PRKN: variants seen among roughly 807,000 people sequenced by gnomAD.
PRKN encodes E3 ubiquitin-protein ligase parkin.
A neutral mutation model predicts 59.5 loss-of-function variants in PRKN; 56 were observed. The ratio of observed to expected loss-of-function variants is 0.94; its 90% CI spans 0.76 to 1.18. The LOEUF is 1.18. Ranked by LOEUF, PRKN falls within the 50% of genes most tolerant of loss-of-function variation. The pLI, the probability that PRKN is intolerant of heterozygous loss-of-function variation, is 0.00. For missense variants in PRKN, 657 were observed against 596.4 expected, an observed-to-expected ratio of 1.10 and a Z score of -1.06; for synonymous variants, 250 against 222.1, an observed-to-expected ratio of 1.13 and a Z score of -1.12.
intron 6 of PRKN, among the ~76,000 whole-genome samples, chr6:161,872,034 C>T (rs1794361315): frequency 6.6e-6 from 1 of 152,136 alleles, no homozygotes; most frequent in Non-Finnish European, 1.5e-5. Flanking sequence ...CTTCACTGAG[C>T]AGCGACTTTT....
chr6:162,332,141 T>C (rs1225477298), intron 2 of PRKN, among the ~76,000 whole-genome samples: 1 of 152,158 alleles, frequency 6.6e-6, no homozygotes, highest in Admixed American at 6.5e-5. Flanking sequence ...GGCTAACATG[T>C]TGCATTACAA....
intron 9 of PRKN, among the ~76,000 whole-genome samples, chr6:161,522,128 C>T (rs906542453): frequency 6.6e-5 from 10 of 152,016 alleles, no homozygotes; most frequent in Admixed American, 2.0e-4. Context: ...TGGTTTTCAA[C>T]GTGATATTTA....
intron 9 of PRKN, among the ~76,000 whole-genome samples, chr6:161,404,242 A>C (rs747368395): frequency 6.6e-6 from 1 of 152,130 alleles, no homozygotes; most frequent in Non-Finnish European, 1.5e-5. Context: ...GAGAGCTGCT[A>C]TCTAAGTACT....
intron 1 of PRKN, among the ~76,000 whole-genome samples, chr6:162,524,352 A>T (rs1778198310): frequency 6.6e-6 from 1 of 152,164 alleles, no homozygotes; most frequent in African/African-American, 2.4e-5. Flanking sequence ...AATTCTTATC[A>T]TTTGGAGGAG....
At chr6:161,738,862 G>A (rs1174951853) in intron 7 of PRKN, among the ~76,000 whole-genome samples, 3 of 152,128 alleles carry the variant, frequency 2.0e-5, no homozygotes, top group African/African-American at 7.2e-5. Context: ...ATCCTGCTGA[G>A]GCCTACACAG....
intron 2 of PRKN, among the ~76,000 whole-genome samples, chr6:162,310,026 T>C (rs896637126): frequency 2.0e-5 from 3 of 152,178 alleles, no homozygotes. Flanking sequence ...TCCATGTCCC[T>C]GCAAAGGACA....
At chr6:162,306,266 GC>G (rs1423228559) in intron 2 of PRKN, among the ~76,000 whole-genome samples, 2 of 152,136 alleles carry the variant, frequency 1.3e-5, no homozygotes, top group Non-Finnish European at 2.9e-5. Flanking sequence ...ATTTGGTAAT[GC>G]TGGTTCACAA....
At chr6:162,630,856 G>C (rs1783085454) in intron 1 of PRKN, among the ~76,000 whole-genome samples, 2 of 152,112 alleles carry the variant, frequency 1.3e-5, no homozygotes, top group African/African-American at 4.8e-5. Context: ...TTTGCAACCA[G>C]AATTGCTAAC....
At chr6:162,061,817 G>C (rs779326493) in intron 4 of PRKN, among the ~76,000 whole-genome samples, 2 of 152,108 alleles carry the variant, frequency 1.3e-5, no homozygotes, top group Non-Finnish European at 2.9e-5. Context: ...GAGAATAATC[G>C]CTTTTCTTGT....
At chr6:162,303,964 T>C (rs1294259249) in intron 2 of PRKN, among the ~76,000 whole-genome samples, 1 of 151,912 alleles carries the variant, frequency 6.6e-6, no homozygotes, top group Non-Finnish European at 1.5e-5. Flanking sequence ...CTCCTGGAAA[T>C]ATGTTAAAGG....
chr6:162,166,009 C>G (rs1346476844), intron 4 of PRKN, among the ~76,000 whole-genome samples: 12 of 134,054 alleles, frequency 9.0e-5, no homozygotes, highest in Non-Finnish European at 1.5e-4. Flanking sequence ...GGTCATGCCA[C>G]TGCACTCCAG....
intron 6 of PRKN, among the ~76,000 whole-genome samples, chr6:161,837,445 A>C (rs1792804953): frequency 6.6e-6 from 1 of 152,170 alleles, no homozygotes; most frequent in Admixed American, 6.5e-5. Context: ...TTACAATTTA[A>C]ATCAAACTTT....
intron 5 of PRKN, among the ~76,000 whole-genome samples, chr6:161,980,371 A>T (rs1781213763): frequency 6.6e-6 from 1 of 152,190 alleles, no homozygotes; most frequent in Admixed American, 6.5e-5. Flanking sequence ...AAGGTTGCAA[A>T]GGGTATAGGG....
rs145039746 is a variant in PRKN, at chr6:162,146,793, A to G, written c.534+54338T>C. The stretch of plus-strand genomic sequence containing the variant: ...GTGCTGGGGTTACAGGTGTGCCACC[A>G]CACCTGGCCTACATTCTTTTTATTC... On this transcript the variant is annotated intron_variant, in intron 4 of 11. Coordinates refer to ENST00000366898, the MANE Select transcript of PRKN (RefSeq NM_004562.3). 2.4e-3 allele frequency among the ~76,000 whole-genome samples: 362 copies of G among 149,122 alleles called. 1 individual carries two copies. Among genetic ancestry groups the G allele is most frequent in the African/African-American group, 8.6e-3 (347 of 40,418 alleles).
chr6:162,681,291 T>G (rs912622795), intron 1 of PRKN, among the ~76,000 whole-genome samples: 1 of 152,146 alleles, frequency 6.6e-6, no homozygotes, highest in Non-Finnish European at 1.5e-5. Flanking sequence ...TATCATGAAA[T>G]CAAATATGAC....
Position 162,318,719 on chromosome 6 carries a change from C to T in PRKN, c.172-55954G>A, listed in dbSNP as rs139813627. ...GTGATGTTGAGTGTCTTTTACTGAGCTTATTGGCGTGATTATGAAGATTTG... is the reference window on the plus strand; with the variant it reads ...GTGATGTTGAGTGTCTTTTACTGAGTTTATTGGCGTGATTATGAAGATTTG... On this transcript the variant is annotated intron_variant, in intron 2 of 11. Coordinates refer to ENST00000366898, the MANE Select transcript of PRKN (RefSeq NM_004562.3). Among the ~76,000 whole-genome samples, 201 of 152,016 alleles carry T rather than the reference C, an allele frequency of 1.3e-3. 2 individuals are homozygous for T. Among genetic ancestry groups the T allele is most frequent in the African/African-American group, 4.6e-3 (189 of 41,494 alleles).
chr6:162,247,281 T>G (rs1403583655), intron 3 of PRKN, among the ~76,000 whole-genome samples: 1 of 152,124 alleles, frequency 6.6e-6, no homozygotes, highest in Non-Finnish European at 1.5e-5. Flanking sequence ...CAACGATTTA[T>G]CCAAAGTAAT....
chr6:162,724,381 A>G (rs1779047177), intron 1 of PRKN, among the ~76,000 whole-genome samples: 1 of 152,206 alleles, frequency 6.6e-6, no homozygotes, highest in Non-Finnish European at 1.5e-5. Flanking sequence ...AGTACTTTTG[A>G]AACAGTCCTC....
intron 3 of PRKN, among the ~76,000 whole-genome samples, chr6:162,237,300 A>G (rs920498569): frequency 6.6e-6 from 1 of 152,238 alleles, no homozygotes; most frequent in East Asian, 1.9e-4. Flanking sequence ...CAATAGGGCA[A>G]GACCTAGTAC....
Sources: gnomAD v4.1 joint callset for allele counts (sites outside exome capture counted in the v4.1 genomes callset) on GRCh38, gnomAD v4.1.1 for gene constraint, MANE v1.5 for transcripts, NCBI Gene and HGNC (gene_info 2026-07-23, HGNC 2026-07-21) for gene names.